The following PLCB1 variants were observed in gnomAD, a reference collection of about 807,000 sequenced individuals.
PLCB1 encodes phospholipase C beta 1.
Under a neutral mutation model 161.8 loss-of-function variants are expected in PLCB1, and 46 were observed. The observed-to-expected ratio is 0.28, with a 90% confidence interval of 0.22 to 0.36. PLCB1 has a LOEUF of 0.36. PLCB1 is among the 10% of genes least tolerant of loss of function. The pLI, the probability that PLCB1 is intolerant of heterozygous loss-of-function variation, is 1.00. For missense variants in PLCB1, 1,016 were observed against 1,472.5 expected (o/e 0.69, Z 5.07); for synonymous variants, 517 against 503.7 (o/e 1.03, Z -0.35).
chr20:8,158,329 CAA>C (rs2051584431), intron 2 of PLCB1, among the ~76,000 whole-genome samples: 5 of 152,138 alleles, frequency 3.3e-5, no homozygotes. Flanking sequence ...CTTGCCAACT[CAA>C]GATTGTTGAT....
intron 27 of PLCB1, among the ~76,000 whole-genome samples, chr20:8,778,753 C>A (rs1164743469): frequency 1.3e-5 from 2 of 152,186 alleles, no homozygotes; most frequent in East Asian, 3.9e-4. Flanking sequence ...ACACACCTAT[C>A]CCAGCCTTGT....
chr20:8,596,946 T>A (rs1474677860), intron 3 of PLCB1, among the ~76,000 whole-genome samples: 1 of 152,292 alleles, frequency 6.6e-6, no homozygotes, highest in East Asian at 1.9e-4. Context: ...TTTTGCACGT[T>A]GATTTTGTAT....
At chr20:8,693,089 A>G (rs1247457067) in intron 10 of PLCB1, among the ~76,000 whole-genome samples, 1 of 152,214 alleles carries the variant, frequency 6.6e-6, no homozygotes, top group Non-Finnish European at 1.5e-5. Context: ...CAGAAGTGTA[A>G]GAATGGGAAG....
In PLCB1 at chr20:8,697,738, T is replaced by A. The variant is rs756741860; in HGVS notation, c.1122T>A (p.Pro374=). ...CWKGRTAEEE[P]VITHGFTMTT... Reference sequence around the variant, plus strand: ...AGGGACGGACTGCAGAAGAGGAACCTGTCATCACCCATGGCTTCACCATGA... The same window carrying A: ...AGGGACGGACTGCAGAAGAGGAACCAGTCATCACCCATGGCTTCACCATGA... Residue 374 remains proline (P), a synonymous_variant, in exon 11 of 32, where the codon CCT becomes CCA. Transcript: ENST00000338037. 1 of 1,614,230 alleles carries A rather than the reference T, an allele frequency of 6.2e-7. No homozygotes were observed. Among genetic ancestry groups the A allele is most frequent in the South Asian group, 1.1e-5 (1 of 91,088 alleles).
chr20:8,313,385 TGTTCTCATGGTGGTGACAGAA>T (rs1162917834), intron 2 of PLCB1, among the ~76,000 whole-genome samples: 96 of 152,244 alleles, frequency 6.3e-4, no homozygotes, highest in Admixed American at 5.8e-3. Context: ...ACTCTGAGCA[TGTTCTCATGGTGGTGACAGAA>T]GAGCAAAGAT....
intron 3 of PLCB1, among the ~76,000 whole-genome samples, chr20:8,551,053 T>G (rs1437826375): frequency 6.6e-6 from 1 of 152,194 alleles, no homozygotes; most frequent in East Asian, 1.9e-4. Context: ...TTCCACTGAT[T>G]AACACAAATA....
At chr20:8,484,247 A>T (rs1982625537) in intron 3 of PLCB1, among the ~76,000 whole-genome samples, 1 of 151,498 alleles carries the variant, frequency 6.6e-6, no homozygotes. Context: ...CTGGTCTCGA[A>T]CTCCCAACCT....
intron 7 of PLCB1, chr20:8,653,267 A>G (rs1600227975): frequency 6.6e-6 from 1 of 152,122 alleles, no homozygotes; most frequent in East Asian, 1.9e-4. Context: ...AAATTTTACT[A>G]AATACTATGA....
At chr20:8,765,982 A>G (rs992499550) in intron 26 of PLCB1, among the ~76,000 whole-genome samples, 5 of 152,064 alleles carry the variant, frequency 3.3e-5, no homozygotes, top group Non-Finnish European at 7.4e-5. Flanking sequence ...CCTGCCCACA[A>G]CTGGTCTTAT....
chr20:8,849,718 A>C (rs1426572219), intron 31 of PLCB1, among the ~76,000 whole-genome samples: 1 of 147,784 alleles, frequency 6.8e-6, no homozygotes, highest in Non-Finnish European at 1.5e-5. Context: ...AAATATAAAA[A>C]AAAGAACCAA....
chr20:8,883,186 C>T lies in PLCB1; in HGVS notation c.*1337C>T, dbSNP rs1568636459. ...TGTTTTAATGGTCAAAAAATTAGGA[C>T]AGAAATAATATGGACATTTATTAGT... On this transcript the variant is annotated 3_prime_UTR_variant, in exon 32 of 32. Coordinates refer to ENST00000338037, the MANE Select transcript of PLCB1 (RefSeq NM_015192.4). 1 of 151,914 alleles carries T rather than the reference C, an allele frequency of 6.6e-6. No individual in the cohort carries two copies. The highest frequency in any genetic ancestry group is 1.5e-5 in the Non-Finnish European group (1 of 67,956). The allele number at this position is 151,914 out of a possible 1,614,324, so 9.4% of individuals were successfully genotyped here.
chr20:8,668,973 G>A (rs2123355642), intron 9 of PLCB1, among the ~76,000 whole-genome samples: 1 of 152,326 alleles, frequency 6.6e-6, no homozygotes, highest in Non-Finnish European at 1.5e-5. Context: ...ACCTAATGCA[G>A]TTGCGTGGAC....
chr20:8,348,272 A>C (rs1482020745), intron 2 of PLCB1, among the ~76,000 whole-genome samples: 1 of 152,206 alleles, frequency 6.6e-6, no homozygotes, highest in East Asian at 1.9e-4. Flanking sequence ...ACTTTTGCTG[A>C]TACAAACATG....
intron 2 of PLCB1, among the ~76,000 whole-genome samples, chr20:8,237,465 T>C (rs1273531003): frequency 6.6e-6 from 1 of 152,140 alleles, no homozygotes; most frequent in Non-Finnish European, 1.5e-5. Flanking sequence ...TGTGTGATTA[T>C]AAATGATTTT....
intron 4 of PLCB1, among the ~76,000 whole-genome samples, chr20:8,642,802 C>T (rs574929432): frequency 2.0e-5 from 3 of 152,268 alleles, no homozygotes; most frequent in South Asian, 2.1e-4. Flanking sequence ...CTTTTTCTGG[C>T]GTGAAACTAG....
chr20:8,798,887 T>A (rs1984158915), intron 31 of PLCB1, among the ~76,000 whole-genome samples: 2 of 149,366 alleles, frequency 1.3e-5, no homozygotes. Context: ...AATCAGAAAA[T>A]GTTTTATTTC....
intron 3 of PLCB1, among the ~76,000 whole-genome samples, chr20:8,408,797 C>A (rs1978902229): frequency 6.6e-6 from 1 of 152,192 alleles, no homozygotes; most frequent in African/African-American, 2.4e-5. Flanking sequence ...CAAATTACTT[C>A]ATCTCACATT....
intron 2 of PLCB1, among the ~76,000 whole-genome samples, chr20:8,259,061 G>A (rs1238312736): frequency 6.6e-6 from 1 of 152,078 alleles, no homozygotes; most frequent in African/African-American, 2.4e-5. Flanking sequence ...CTCTTTTCAT[G>A]TAGCATAACG....
At position 8,432,891 on chromosome 20, in the gene PLCB1, C is replaced by T. The variant is rs536387727; in HGVS notation, c.246+61441C>T. Among the ~76,000 whole-genome samples, 10 of 152,290 alleles carry T rather than the reference C, an allele frequency of 6.6e-5. No homozygotes were observed. The East Asian group carries it at 1.9e-3, about 29-fold the overall frequency. ...TACTGAGTTAAATTTAACTGAACTC[C>T]ATGCCTGGATGATTTCTGCCAGTGG... On this transcript the variant is annotated intron_variant, in intron 3 of 31. Coordinates refer to ENST00000338037, the MANE Select transcript of PLCB1 (RefSeq NM_015192.4).
Sources: gnomAD v4.1 joint callset for allele counts (sites outside exome capture counted in the v4.1 genomes callset) on GRCh38, gnomAD v4.1.1 for gene constraint, MANE v1.5 for transcripts, NCBI Gene and HGNC (gene_info 2026-07-23, HGNC 2026-07-21) for gene names.